PLEKHH1: variants seen among roughly 807,000 people sequenced by gnomAD.
PLEKHH1 encodes pleckstrin homology domain-containing family H member 1.
In PLEKHH1, 104 loss-of-function variants were observed where a neutral mutation model predicts 160.0. That is an observed-to-expected ratio of 0.65 (90% CI 0.55 to 0.76). PLEKHH1 has a LOEUF of 0.76. Ranked by LOEUF, PLEKHH1 falls within the 30% of genes least tolerant of loss-of-function variation. PLEKHH1 has a pLI of 0.00. For missense variants in PLEKHH1, 1,427 were observed against 1,724.1 expected (o/e 0.83, Z 3.05); for synonymous variants, 619 against 678.4 (o/e 0.91, Z 1.36).
chr14:67,560,672 C>T (rs1274053317), intron 5 of PLEKHH1, among the ~76,000 whole-genome samples: 2 of 152,024 alleles, frequency 1.3e-5, no homozygotes, highest in African/African-American at 4.8e-5. Context: ...AGAAAACAAC[C>T]TCCTTCTAAA....
intron 2 of PLEKHH1, among the ~76,000 whole-genome samples, chr14:67,545,416 G>C (rs1188436780): frequency 6.6e-6 from 1 of 152,146 alleles, no homozygotes; most frequent in African/African-American, 2.4e-5. Flanking sequence ...CAGTCTTTAA[G>C]TCTAGACTAA....
rs2035885783 is a variant in PLEKHH1 at position 67,581,297 on chromosome 14, CACA to C, written c.3284+261_3284+263del. Among the ~76,000 whole-genome samples, 6 of 151,290 alleles carry C rather than the reference CACA, an allele frequency of 4.0e-5. No homozygotes were observed. The Admixed American group carries it at 4.0e-4, about 10-fold the overall frequency. Reference sequence around the variant, plus strand: ...ATGCACACACACACACACACACACACACAAACATCTGCCAAGAAAACAGACCAG... The same window carrying C: ...ATGCACACACACACACACACACACACAACATCTGCCAAGAAAACAGACCAG... On this transcript the variant is annotated intron_variant, in intron 23 of 28. Transcript: ENST00000329153.
chr14:67,570,648 A>G lies in PLEKHH1; in HGVS notation c.1434+636A>G, dbSNP rs139742397. 2.0e-5 allele frequency: 3 copies of G among 152,450 alleles called. No homozygotes were observed. The East Asian group carries it at 5.8e-4, about 29-fold the overall frequency. 9.4% of individuals were successfully genotyped at this position (152,450 alleles called of 1,614,324 possible). On this transcript the variant is annotated intron_variant, in intron 9 of 28. Transcript: ENST00000329153. ...TCCTGTGTGCACACAAAAGGTGCTC[A>G]TATACATGTCATTCTATGCCTTGCT...
In PLEKHH1 at chr14:67,573,260, C is replaced by T; in HGVS notation, c.1729-16C>T. On this transcript the variant is annotated splice_polypyrimidine_tract_variant and intron_variant, in intron 11 of 28. Transcript: ENST00000329153. This position sits in a 1 kb window ranked among gnomAD's most constrained non-coding sequence, Gnocchi z 4.8. ...GTGATTTCCCCTTTCTTCATCTACA[C>T]CCTTCCACCCCTCAGGAGTCACTGG... is the stretch of plus-strand genomic sequence containing the variant. 1 of 1,534,316 alleles carries T rather than the reference C, an allele frequency of 6.5e-7. No individual in the cohort carries two copies. The highest frequency in any genetic ancestry group is 2.2e-5 in the East Asian group (1 of 44,524).
At chr14:67,570,304 C>T (rs2035310002) in intron 9 of PLEKHH1, 1 of 978,364 alleles carries the variant, frequency 1.0e-6, no homozygotes, top group Non-Finnish European at 1.2e-6. Context: ...CCTCAGGTCC[C>T]AGAGGGCAGT....
chr14:67,554,999 A>G (rs925256969), intron 2 of PLEKHH1, among the ~76,000 whole-genome samples: 1 of 151,904 alleles, frequency 6.6e-6, no homozygotes, highest in Non-Finnish European at 1.5e-5. Context: ...TACAGCTTCA[A>G]CCTCCCAGGC....
intron 1 of PLEKHH1, among the ~76,000 whole-genome samples, chr14:67,535,252 C>T (rs2033660027): frequency 6.6e-6 from 1 of 151,696 alleles, no homozygotes; most frequent in South Asian, 2.1e-4. Context: ...GAAGTACAGG[C>T]ATGGGAAGAA....
chr14:67,557,440 A>T, intron 4 of PLEKHH1, 22 bp downstream of exon 4: 1 of 1,608,806 alleles, frequency 6.2e-7, no homozygotes, highest in Non-Finnish European at 8.5e-7. Context: ...TGCGCAAGGG[A>T]GCACCATGCC....
At chr14:67,548,653 T>A (rs2034274492) in intron 2 of PLEKHH1, among the ~76,000 whole-genome samples, 1 of 152,112 alleles carries the variant, frequency 6.6e-6, no homozygotes, top group Non-Finnish European at 1.5e-5. Context: ...GCCAAGATTG[T>A]GCCATTGCAC....
In PLEKHH1 at chr14:67,582,491, T is replaced by A. The variant is rs2035947827; in HGVS notation, c.3426+281T>A. ...GGTCTTAGCCAAGTCACTTCACTTC[T>A]CTATGCTTTAGTTTCCTTCTCAGTA... is the stretch of plus-strand genomic sequence containing the variant. On this transcript the variant is annotated intron_variant, in intron 24 of 28. Transcript: ENST00000329153. The surrounding 1 kb of genome is among the most constrained non-coding windows in gnomAD (Gnocchi z 5.0). Among the ~76,000 whole-genome samples, 1 of 152,094 alleles carries A rather than the reference T, an allele frequency of 6.6e-6. No individual in the cohort carries two copies. The highest frequency in any genetic ancestry group is 1.5e-5 in the Non-Finnish European group (1 of 68,012).
chr14:67,578,505 T>C lies in PLEKHH1; in HGVS notation c.2752-29T>C. The C allele has an allele frequency of 3.4e-6, 5 of 1,487,626 alleles. No individual in the cohort carries two copies. Among genetic ancestry groups the C allele is most frequent in the Non-Finnish European group, 4.7e-6 (5 of 1,073,288 alleles). The allele number at this position is 1,487,626 out of a possible 1,614,324, so 92.2% of individuals were successfully genotyped here. On this transcript the variant is annotated intron_variant, in intron 19 of 28. Coordinates refer to ENST00000329153, the MANE Select transcript of PLEKHH1 (RefSeq NM_020715.3). This position sits in a 1 kb window ranked among gnomAD's most constrained non-coding sequence, Gnocchi z 5.0. ...ACAGGTGGTGCTGTAGGCCCAGCAC[T>C]CACCCCACGCTGTCTGTGTCCCTGG...
At chr14:67,568,462 G>A (rs538605411) in intron 7 of PLEKHH1, among the ~76,000 whole-genome samples, 85 of 152,144 alleles carry the variant, frequency 5.6e-4, no homozygotes, top group Middle Eastern at 6.8e-3. Flanking sequence ...TGGCGGTGGG[G>A]GAGTATTAGG....
chr14:67,579,068 G>C (rs2035763332), intron 20 of PLEKHH1, 66 bp from the exon 21 acceptor site: 3 of 1,150,742 alleles, frequency 2.6e-6, no homozygotes, highest in Middle Eastern at 1.9e-4. Flanking sequence ...TCTAGATAGG[G>C]ATCCGGGGTG....
intron 18 of PLEKHH1, 117 bp downstream of exon 18, chr14:67,577,531 TC>T: frequency 1.5e-6 from 1 of 675,394 alleles, no homozygotes; most frequent in Non-Finnish European, 2.6e-6. Flanking sequence ...GAAGGAAACT[TC>T]CCAGGGTCCC....
At chr14:67,581,592 G>A (rs1006823286) in intron 23 of PLEKHH1, 3 of 169,716 alleles carry the variant, frequency 1.8e-5, no homozygotes, top group Admixed American at 5.5e-5. Flanking sequence ...CTTTATGAGA[G>A]TGAAATTTTG....
Position 67,578,491 on chromosome 14 carries a change from T to C in PLEKHH1, c.2752-43T>C. 1 of 1,308,960 alleles carries C rather than the reference T, an allele frequency of 7.6e-7. No individual in the cohort carries two copies. Among genetic ancestry groups the C allele is most frequent in the Non-Finnish European group, 1.1e-6 (1 of 915,768 alleles). 81.1% of individuals were successfully genotyped at this position (1,308,960 alleles called of 1,614,324 possible). Reference sequence around the variant, plus strand: ...TCAGGGCTATGAGGACAGGTGGTGCTGTAGGCCCAGCACTCACCCCACGCT... The same window carrying C: ...TCAGGGCTATGAGGACAGGTGGTGCCGTAGGCCCAGCACTCACCCCACGCT... On this transcript the variant is annotated intron_variant, in intron 19 of 28. Coordinates refer to ENST00000329153, the MANE Select transcript of PLEKHH1 (RefSeq NM_020715.3). This position sits in a 1 kb window ranked among gnomAD's most constrained non-coding sequence, Gnocchi z 5.0.
In PLEKHH1 at chr14:67,585,627, C is replaced by T. The variant is rs779961552; in HGVS notation, c.3759C>T (p.Gly1253=). 7.6e-6 allele frequency: 12 copies of T among 1,577,324 alleles called. No homozygotes were observed. The highest frequency in any genetic ancestry group is 1.7e-4 in the Middle Eastern group (1 of 6,046). The change falls in exon 27 of 29, where the codon GGC becomes GGT. Residue 1253 remains glycine, a synonymous_variant. Coordinates refer to ENST00000329153, the MANE Select transcript of PLEKHH1 (RefSeq NM_020715.3). ...ALVWIAVNED[G]VSILDHNTMQ... is the part of the protein sequence containing the mutation. The stretch of plus-strand genomic sequence containing the variant: ...TGTGGATTGCTGTGAATGAGGATGG[C>T]GTCAGCATCCTGGACCACAACACTA...
At chr14:67,568,313 A>G (rs918595689) in intron 7 of PLEKHH1, among the ~76,000 whole-genome samples, 6 of 152,098 alleles carry the variant, frequency 3.9e-5, no homozygotes, top group Admixed American at 3.9e-4. Context: ...ATGGAGCTGG[A>G]AGCCATTATC....
At position 67,583,641 on chromosome 14, in the gene PLEKHH1, T is replaced by G. The variant is rs964643291; in HGVS notation, c.3427-100T>G. On this transcript the variant is annotated intron_variant, in intron 24 of 28. Coordinates refer to ENST00000329153, the MANE Select transcript of PLEKHH1 (RefSeq NM_020715.3). ...TTCACAACCACTCGCACCCCACCAATAGGGTAATAAAGAAATGGTTTATTT... is the reference window on the plus strand; with the variant it reads ...TTCACAACCACTCGCACCCCACCAAGAGGGTAATAAAGAAATGGTTTATTT... 4 of 829,026 alleles carry G rather than the reference T, an allele frequency of 4.8e-6. No individual in the cohort carries two copies. In the Admixed American group the frequency reaches 1.2e-4, roughly 24 times the overall value. The allele number at this position is 829,026 out of a possible 1,614,324, so 51.4% of individuals were successfully genotyped here. A position where few individuals can be genotyped will look rare whatever the true frequency, so the allele number is the denominator to read the frequency against.
Sources: allele counts gnomAD v4.1 joint callset (sites outside exome capture counted in the v4.1 genomes callset), GRCh38; gene constraint gnomAD v4.1.1; non-coding constraint Gnocchi (gnomAD v3.1); transcripts MANE v1.5; gene names NCBI Gene and HGNC (gene_info 2026-07-23, HGNC 2026-07-21).